The following PIGN variants were observed in gnomAD, a reference collection of about 807,000 sequenced individuals.
PIGN encodes the protein phosphatidylinositol glycan anchor biosynthesis class N, also known as GPI ethanolamine phosphate transferase 1.
Under a neutral mutation model 125.4 loss-of-function variants are expected in PIGN, and 117 were observed. That is an observed-to-expected ratio of 0.93 (90% confidence interval 0.80 to 1.09). PIGN has a LOEUF of 1.09. PIGN is among the 50% of genes least tolerant of loss of function. The probability of loss-of-function intolerance (pLI) is 0.00; values close to 1 mark genes in which losing one functional copy is unlikely to be tolerated. For synonymous variants in PIGN, 392 were observed against 377.8 expected (o/e 1.04, Z -0.44); for missense variants, 1,075 against 1,094.9 (o/e 0.98, Z 0.26).
At chr18:62,065,601 A>T (rs34182130) in intron 30 of PIGN, among the ~76,000 whole-genome samples, 3 of 151,608 alleles carry the variant, frequency 2.0e-5, no homozygotes, top group South Asian at 2.1e-4. Flanking sequence ...TAGCCGGGCG[A>T]GGTGGTGGGC....
Position 62,095,869 on chromosome 18 carries a change from G to A in PIGN, c.2159C>T (p.Thr720Ile). 6.2e-7 allele frequency: 1 copy of A among 1,609,216 alleles called. No individual in the cohort carries two copies. The change falls in exon 23 of 31, where the codon ACC becomes ATC. Residue 720 changes from threonine (T) to isoleucine (I), a missense_variant. Thr to Ile is a moderately conservative substitution (Grantham distance 89). Coordinates refer to ENST00000640252, the MANE Select transcript of PIGN (RefSeq NM_176787.5). ...ATACCCTGTGCTTAGAAGTAGGTAG[G>A]TTGACATCAATGAAAGAAGTATGCT... ...LFSILLSLMS[T>I]YLLLSTGYEA...
At chr18:62,107,593 C>CA (rs111968972) in intron 17 of PIGN, 1,318 of 105,982 alleles carry the variant, frequency 0.012, 14 homozygotes, top group African/African-American at 0.034. Flanking sequence ...AACGCTGTCT[C>CA]AAAAAAAAAA....
Position 62,072,667 on chromosome 18 carries a change from C to A in PIGN, c.2672+6G>T. On this transcript the variant is annotated splice_donor_region_variant and intron_variant, in intron 30 of 30. Transcript: ENST00000640252. ...GTTAAGCAATGCATGACCATATATA[C>A]TATACCTTGTCCCAATATCAAGCCA... 1 of 1,600,920 alleles carries A rather than the reference C, an allele frequency of 6.2e-7. No individual in the cohort carries two copies. Among genetic ancestry groups the A allele is most frequent in the Non-Finnish European group, 8.5e-7 (1 of 1,171,866 alleles).
At chr18:62,176,462 T>C (rs796355988) in intron 1 of PIGN, among the ~76,000 whole-genome samples, 38 of 151,736 alleles carry the variant, frequency 2.5e-4, no homozygotes, top group African/African-American at 8.5e-4. Flanking sequence ...AAGGGAAAAA[T>C]ACTAACAATG....
chr18:62,051,578 T>A lies in PIGN; in HGVS notation c.2673-5599A>T, dbSNP rs2031293414. ...TTTATCATTTTTTATTGCGTCTATT[T>A]GATTCTTCTCTCTTTTCTTCTTTAT... is the stretch of plus-strand genomic sequence containing the variant. On this transcript the variant is annotated intron_variant, in intron 30 of 30. Coordinates refer to ENST00000640252, the MANE Select transcript of PIGN (RefSeq NM_176787.5). Among the ~76,000 whole-genome samples the A allele has an allele frequency of 2.6e-5, 4 of 152,334 alleles. No individual in the cohort carries two copies. The South Asian group carries it at 8.3e-4, about 32-fold the overall frequency.
chr18:62,167,178 G>C (rs2147745021), intron 1 of PIGN, among the ~76,000 whole-genome samples: 1 of 150,640 alleles, frequency 6.6e-6, no homozygotes, highest in Admixed American at 6.7e-5. Flanking sequence ...TATTGACAGA[G>C]AGCAGGAGCG....
intron 14 of PIGN, among the ~76,000 whole-genome samples, chr18:62,116,479 C>T (rs1187339750): frequency 6.6e-6 from 1 of 152,182 alleles, no homozygotes; most frequent in African/African-American, 2.4e-5. Flanking sequence ...GTACCCTCAG[C>T]TGCATAATGG....
intron 14 of PIGN, among the ~76,000 whole-genome samples, chr18:62,116,389 T>A (rs1205434659): frequency 6.6e-6 from 1 of 152,200 alleles, no homozygotes; most frequent in Non-Finnish European, 1.5e-5. Flanking sequence ...TCTCACTGTC[T>A]ACTTCATCAA....
At chr18:62,145,378 A>T (rs2036287505) in intron 10 of PIGN, among the ~76,000 whole-genome samples, 1 of 152,166 alleles carries the variant, frequency 6.6e-6, no homozygotes, top group South Asian at 2.1e-4. Flanking sequence ...ATGCACCATT[A>T]CTTACTGAAG....
intron 14 of PIGN, among the ~76,000 whole-genome samples, chr18:62,127,460 C>T (rs2035574998): frequency 6.6e-6 from 1 of 151,456 alleles, no homozygotes; most frequent in African/African-American, 2.4e-5. Flanking sequence ...ATCATAAAGT[C>T]GAAAAATCCT....
Position 62,048,245 on chromosome 18 carries a change from C to A in PIGN, c.2673-2266G>T, listed in dbSNP as rs567880805. Among the ~76,000 whole-genome samples the A allele has an allele frequency of 1.1e-3, 172 of 152,190 alleles. No homozygotes were observed. In the Middle Eastern group the frequency reaches 0.014, roughly 12 times the overall value. On this transcript the variant is annotated intron_variant, in intron 30 of 30. Transcript: ENST00000640252. ...AAGATCTAACATTTGTGTCACTGGA[C>A]TTCTAGAAGGAAAAGAAAAAGAGGC...
intron 1 of PIGN, among the ~76,000 whole-genome samples, chr18:62,169,814 G>GA (rs770283866): frequency 4.6e-5 from 7 of 151,290 alleles, no homozygotes; most frequent in Admixed American, 6.6e-5. Context: ...GAGATGGGGG[G>GA]ATCTCAGTAT....
At chr18:62,028,451 T>C (rs553373425) in intron 23 of PIGN, among the ~76,000 whole-genome samples, 1 of 152,330 alleles carries the variant, frequency 6.6e-6, no homozygotes, top group Admixed American at 6.5e-5. Context: ...TTTAAAAATA[T>C]TTTAGTTGAA....
intron 6 of PIGN, among the ~76,000 whole-genome samples, chr18:62,156,470 A>G (rs1051847584): frequency 2.6e-5 from 4 of 152,214 alleles, no homozygotes; most frequent in East Asian, 1.9e-4. Flanking sequence ...AGTTGGGACT[A>G]CAGGCACATG....
intron 29 of PIGN, among the ~76,000 whole-genome samples, chr18:62,074,432 A>C (rs1055844748): frequency 9.2e-5 from 14 of 151,938 alleles, no homozygotes; most frequent in Non-Finnish European, 1.5e-5. Flanking sequence ...TTCATTTTTA[A>C]TCTGAGAGAA....
intron 23 of PIGN, among the ~76,000 whole-genome samples, chr18:62,094,393 G>A (rs1047456514): frequency 2.0e-4 from 30 of 152,114 alleles, no homozygotes; most frequent in Admixed American, 1.4e-3. Flanking sequence ...ATTTCTGGAC[G>A]CTTTCAAACA....
intron 5 of PIGN, among the ~76,000 whole-genome samples, 168 bp from the exon 6 acceptor site, chr18:62,157,395 A>G (rs2036778502): frequency 6.6e-6 from 1 of 152,200 alleles, no homozygotes; most frequent in Non-Finnish European, 1.5e-5. Context: ...CTAACAATAG[A>G]TAATTTACTT....
intron 27 of PIGN, 51 bp from the exon 28 acceptor site, chr18:62,082,797 C>T: frequency 1.0e-6 from 1 of 971,662 alleles, no homozygotes; most frequent in Non-Finnish European, 1.6e-6. Flanking sequence ...ATCTGAAACA[C>T]TTTTTGAAAA....
chr18:62,107,815 G>A (rs2034711540), intron 17 of PIGN, among the ~76,000 whole-genome samples: 1 of 151,890 alleles, frequency 6.6e-6, no homozygotes, highest in African/African-American at 2.4e-5. Context: ...ATAAAGGTAG[G>A]GTTTCCTAAT....
Sources: allele counts gnomAD v4.1 joint callset (sites outside exome capture counted in the v4.1 genomes callset), GRCh38; gene constraint gnomAD v4.1.1; transcripts MANE v1.5; gene names NCBI Gene and HGNC (gene_info 2026-07-23, HGNC 2026-07-21).